Variants in EML2 observed in about 807,000 individuals in gnomAD.
EML2 encodes EMAP like 2.
In EML2, 59 loss-of-function variants were observed where a neutral mutation model predicts 84.7. The ratio of observed to expected loss-of-function variants is 0.70; its 90% CI spans 0.56 to 0.86. The LOEUF (loss-of-function observed/expected upper bound fraction) is 0.86, where lower values mean the gene tolerates loss of function less well. Among genes scored for constraint, EML2 ranks in the 40% least tolerant of loss-of-function variants. The pLI, the probability that EML2 is intolerant of heterozygous loss-of-function variation, is 0.00. For missense variants in EML2, 818 were observed against 855.6 expected (o/e 0.96, Z 0.55); for synonymous variants, 352 against 348.9 (o/e 1.01, Z -0.10).
intron 3 of EML2, among the ~76,000 whole-genome samples, chr19:45,637,488 T>TTC (rs1163301970): frequency 2.9e-4 from 42 of 146,454 alleles, no homozygotes; most frequent in African/African-American, 9.4e-4. Context: ...TTTTTTTTTT[T>TTC]TTTTTTTGAG....
chr19:45,622,598 T>C (rs1971841031), intron 9 of EML2, among the ~76,000 whole-genome samples: 1 of 151,948 alleles, frequency 6.6e-6, no homozygotes, highest in African/African-American at 2.4e-5. Context: ...ACCTGGCTAA[T>C]TTTTGTATTT....
chr19:45,612,888 CT>C lies in EML2; in HGVS notation c.1824+652del, dbSNP rs35806359. On this transcript the variant is annotated intron_variant, in intron 18 of 18. Transcript: ENST00000245925. Reference sequence around the variant, plus strand: ...AGAGAATGGTAAAATTAACGTCCAGCTTTTTTTTTTGTTTTTGTCTTTGTTT... The same window carrying C: ...AGAGAATGGTAAAATTAACGTCCAGCTTTTTTTTTGTTTTTGTCTTTGTTT... Among the ~76,000 whole-genome samples, 188 of 149,256 alleles carry C rather than the reference CT, an allele frequency of 1.3e-3. 2 individuals are homozygous for C. Among genetic ancestry groups the C allele is most frequent in the African/African-American group, 4.0e-3 (163 of 40,806 alleles).
intron 18 of EML2, among the ~76,000 whole-genome samples, chr19:45,611,358 C>A (rs974679197): frequency 1.3e-5 from 2 of 150,272 alleles, no homozygotes; most frequent in African/African-American, 4.9e-5. Flanking sequence ...TTGCAGTGAG[C>A]CAAGATCGCG....
chr19:45,612,661 A>G (rs1970615097), intron 18 of EML2, among the ~76,000 whole-genome samples: 1 of 152,170 alleles, frequency 6.6e-6, no homozygotes, highest in African/African-American at 2.4e-5. Flanking sequence ...CGTGGGCAAC[A>G]GAGTGAGACC....
intron 8 of EML2, among the ~76,000 whole-genome samples, chr19:45,626,291 C>T (rs957648305): frequency 4.0e-5 from 6 of 151,604 alleles, no homozygotes; most frequent in Admixed American, 6.6e-5. Context: ...GGATTACAGG[C>T]GAGAGCCACC....
chr19:45,627,067 C>A (rs1341297589), intron 7 of EML2, among the ~76,000 whole-genome samples: 1 of 150,780 alleles, frequency 6.6e-6, no homozygotes, highest in African/African-American at 2.4e-5. Context: ...TCAAGCGATT[C>A]TCTTGCCTCA....
intron 10 of EML2, 52 bp from the exon 11 acceptor site, chr19:45,621,384 G>C (rs764262063): frequency 6.3e-7 from 1 of 1,575,382 alleles, no homozygotes; most frequent in East Asian, 2.3e-5. Flanking sequence ...GGGTGGGTGT[G>C]GGGTGACATA....
chr19:45,635,623 G>A (rs1161564379), intron 3 of EML2, among the ~76,000 whole-genome samples: 9 of 112,390 alleles, frequency 8.0e-5, no homozygotes, highest in Admixed American at 3.9e-4. Flanking sequence ...ATGGAGTTTC[G>A]CTCTTGTTGC....
chr19:45,636,572 G>C (rs1973748551), intron 3 of EML2, among the ~76,000 whole-genome samples: 1 of 152,200 alleles, frequency 6.6e-6, no homozygotes. Flanking sequence ...TCCCATGCTA[G>C]ACTGTATGCC....
intron 18 of EML2, among the ~76,000 whole-genome samples, chr19:45,610,235 A>T (rs1411258966): frequency 2.0e-5 from 3 of 151,904 alleles, no homozygotes; most frequent in Non-Finnish European, 4.4e-5. Context: ...GTTCTCTACT[A>T]AAAATATAAA....
Position 45,621,587 on chromosome 19 carries a change from A to C in EML2, c.892T>G (p.Phe298Val). 1 of 1,611,542 alleles carries C rather than the reference A, an allele frequency of 6.2e-7. No homozygotes were observed. The highest frequency in any genetic ancestry group is 2.2e-5 in the East Asian group (1 of 44,846). Residue 298 changes from phenylalanine (F) to valine (V), a missense_variant, in exon 10 of 19, where the codon TTT (phenylalanine) becomes GTT (valine). Physicochemically the swap from Phe to Val is conservative, Grantham distance 50 (BLOSUM62 -1). Transcript: ENST00000245925. ...CCGTCCCGCAGGGCGCAGAGCCCAAACACGCCGCCGTCGTGGGCGCCCAGC... is the reference window on the plus strand; with the variant it reads ...CCGTCCCGCAGGGCGCAGAGCCCAACCACGCCGCCGTCGTGGGCGCCCAGC... Reference protein sequence around the residue: ...AVLGAHDGGVFGLCALRDGTL... With the variant: ...AVLGAHDGGVVGLCALRDGTL...
chr19:45,642,292 T>A, upstream of EML2: 1 of 1,535,938 alleles, frequency 6.5e-7, no homozygotes, highest in Non-Finnish European at 8.7e-7. Context: ...CTGCAGCCGC[T>A]GCTCCAGCGC....
intron 12 of EML2, among the ~76,000 whole-genome samples, chr19:45,618,221 G>A (rs960501062): frequency 2.0e-5 from 3 of 149,396 alleles, no homozygotes; most frequent in African/African-American, 7.4e-5. Flanking sequence ...CCACCACCAC[G>A]CCCGGCTAAT....
Position 45,626,785 on chromosome 19 carries a change from G to A in EML2, c.661C>T (p.Leu221Phe). 6.2e-7 allele frequency: 1 copy of A among 1,613,866 alleles called. No homozygotes were observed. Among genetic ancestry groups the A allele is most frequent in the Non-Finnish European group, 8.5e-7 (1 of 1,179,952 alleles). Reference protein sequence around the residue: ...ATFHPTDPTVLITCGKSHIYF... With the variant: ...ATFHPTDPTVFITCGKSHIYF... ...ATGTGAGATTTCCCGCAGGTGATAA[G>A]CACAGTGGGGTCCGTGGGGTGGAAG... The change falls in exon 8 of 19, where the codon CTT (leucine) becomes TTT (phenylalanine). Residue 221 changes from leucine (L) to phenylalanine (F), a missense_variant. Transcript: ENST00000245925.
chr19:45,609,599 T>A lies in EML2; in HGVS notation c.*64A>T. The A allele has an allele frequency of 1.4e-6, 2 of 1,470,902 alleles. No homozygotes were observed. Among genetic ancestry groups the A allele is most frequent in the Non-Finnish European group, 1.8e-6 (2 of 1,097,946 alleles). 91.1% of individuals were successfully genotyped at this position (1,470,902 alleles called of 1,614,324 possible). On this transcript the variant is annotated 3_prime_UTR_variant, in exon 19 of 19. Coordinates refer to ENST00000245925, the MANE Select transcript of EML2 (RefSeq NM_012155.4). ...ATACTCTGGGTATATATTACTCTAC[T>A]CGGCAATAGACATCTCCCGAAAATA...
At chr19:45,641,182 C>CA (rs1471939991), upstream of EML2, 1 of 156,710 alleles carries the variant, frequency 6.4e-6, no homozygotes, top group African/African-American at 2.4e-5. Flanking sequence ...GGAATGCCTC[C>CA]ACCTGGTCTC....
In EML2 at chr19:45,616,755, T is replaced by A. The variant is rs761069337; in HGVS notation, c.1411+10A>T. ...CCCTGCCGCTTGGGTGTCCCAGGCC[T>A]GCCGCTTACCTGGGGAGAAGCTGAC... On this transcript the variant is annotated intron_variant, in intron 14 of 18. Transcript: ENST00000245925. 5.6e-6 allele frequency: 9 copies of A among 1,611,160 alleles called. No homozygotes were observed. In the African/African-American group the frequency reaches 1.1e-4, roughly 19 times the overall value.
upstream of EML2, chr19:45,643,431 C>T: frequency 1.1e-6 from 1 of 937,430 alleles, no homozygotes; most frequent in Non-Finnish European, 1.6e-6. Context: ...CGCCTCTGTA[C>T]CCCGCGCCCC....
chr19:45,626,959 T>TA, intron 7 of EML2, 120 bp from the exon 8 acceptor site: 72 of 830,258 alleles, frequency 8.7e-5, no homozygotes, highest in South Asian at 1.2e-4. Context: ...CCTGAACTTT[T>TA]CTTTTTTTTT....
Sources: allele counts gnomAD v4.1 joint callset (sites outside exome capture counted in the v4.1 genomes callset), GRCh38; gene constraint gnomAD v4.1.1; transcripts MANE v1.5; gene names NCBI Gene and HGNC (gene_info 2026-07-23, HGNC 2026-07-21).